AGBL4: variants seen among roughly 807,000 people sequenced by gnomAD.
The protein encoded by AGBL4 is cytosolic carboxypeptidase 6.
A neutral mutation model predicts 66.4 loss-of-function variants in AGBL4; 58 were observed. The ratio of observed to expected loss-of-function variants is 0.87; its 90% confidence interval spans 0.71 to 1.09. The LOEUF (loss-of-function observed/expected upper bound fraction) is 1.09. AGBL4 is among the 50% of genes least tolerant of loss of function. The pLI, the probability that AGBL4 is intolerant of heterozygous loss-of-function variation, is 0.00. For synonymous variants in AGBL4, 234 were observed against 222.9 expected (o/e 1.05, Z -0.44); for missense variants, 579 against 631.0 (o/e 0.92, Z 0.88).
At chr1:49,268,022 T>C (rs909076092) in intron 3 of AGBL4, 1 of 152,116 alleles carries the variant, frequency 6.6e-6, no homozygotes, top group South Asian at 2.1e-4. Context: ...ACCATATCAG[T>C]GTATATTAAA....
At chr1:48,924,647 C>G (rs553822415) in intron 5 of AGBL4, among the ~76,000 whole-genome samples, 7 of 152,086 alleles carry the variant, frequency 4.6e-5, no homozygotes, top group African/African-American at 1.7e-4. Flanking sequence ...AAACAATTAC[C>G]CAACAAATAG....
Position 49,456,642 on chromosome 1 carries a change from T to C in AGBL4, c.283-210778A>G, listed in dbSNP as rs895794772. On this transcript the variant is annotated intron_variant, in intron 3 of 13. Transcript: ENST00000371839. ...GTTTGCTTATATGAATGTTATTGAG[T>C]GTCAATTTCCGAGATTTTGGTGCAC... 3.3e-5 allele frequency among the ~76,000 whole-genome samples: 5 copies of C among 151,596 alleles called. 1 individual carries two copies. The highest frequency in any genetic ancestry group is 7.4e-5 in the Non-Finnish European group (5 of 67,776).
At chr1:49,847,141 A>G (rs1271279360) in intron 2 of AGBL4, among the ~76,000 whole-genome samples, 1 of 152,102 alleles carries the variant, frequency 6.6e-6, no homozygotes, top group African/African-American at 2.4e-5. Context: ...TCTCCAGCCA[A>G]CTACACATAC....
chr1:48,927,111 A>G (rs59549372), intron 5 of AGBL4, among the ~76,000 whole-genome samples: 5,145 of 152,210 alleles, frequency 0.034, 276 homozygotes, highest in African/African-American at 0.12. Context: ...AGGCAGGTCA[A>G]TGGCTTACAG....
chr1:49,198,772 C>A (rs1647444253), intron 4 of AGBL4, among the ~76,000 whole-genome samples: 1 of 151,672 alleles, frequency 6.6e-6, no homozygotes, highest in African/African-American at 2.4e-5. Context: ...GTTACCTGAC[C>A]ATTTCTTCTA....
intron 2 of AGBL4, chr1:49,845,700 C>T: frequency 6.3e-7 from 1 of 1,594,756 alleles, no homozygotes; most frequent in South Asian, 1.1e-5. Context: ...TCAGCCAGAG[C>T]ACATTCCTGA....
intron 3 of AGBL4, among the ~76,000 whole-genome samples, chr1:49,250,874 G>T (rs1042204784): frequency 6.6e-6 from 1 of 152,292 alleles, no homozygotes; most frequent in African/African-American, 2.4e-5. Flanking sequence ...GAGCTGCTTT[G>T]AGAAGTGGTA....
intron 3 of AGBL4, among the ~76,000 whole-genome samples, chr1:49,636,888 G>A (rs989247805): frequency 6.6e-6 from 1 of 152,200 alleles, no homozygotes; most frequent in East Asian, 1.9e-4. Context: ...TCCTGGGTGT[G>A]TCTGTGAAGG....
chr1:49,972,577 C>A (rs1658221482), intron 1 of AGBL4, among the ~76,000 whole-genome samples: 1 of 152,094 alleles, frequency 6.6e-6, no homozygotes, highest in African/African-American at 2.4e-5. Context: ...GGCCTAGGAG[C>A]TCGAGAGCAC....
At chr1:48,629,584 G>A (rs563540116) in intron 9 of AGBL4, among the ~76,000 whole-genome samples, 103 of 152,288 alleles carry the variant, frequency 6.8e-4, no homozygotes, top group African/African-American at 2.4e-3. Flanking sequence ...GGGAAGACAA[G>A]GGATCTGGGA....
At chr1:48,901,227 G>A (rs77641836) in intron 5 of AGBL4, among the ~76,000 whole-genome samples, 112 of 152,260 alleles carry the variant, frequency 7.4e-4, no homozygotes, top group African/African-American at 2.5e-3. Flanking sequence ...CCAAGTGTTG[G>A]TAAGGAATGA....
chr1:48,588,851 A>G lies in AGBL4; in HGVS notation c.1105-1685T>C, dbSNP rs72679381. On this transcript the variant is annotated intron_variant, in intron 10 of 13. Transcript: ENST00000371839. ...AGAAGAGAAGAGAAGAGAAGAGAAGAGAAGAGAAGGGAAGAGAAGAGACAG... is the reference window on the plus strand; with the variant it reads ...AGAAGAGAAGAGAAGAGAAGAGAAGGGAAGAGAAGGGAAGAGAAGAGACAG... 7.6e-3 allele frequency among the ~76,000 whole-genome samples: 1,060 copies of G among 138,864 alleles called. 5 individuals carry two copies. Among genetic ancestry groups the G allele is most frequent in the South Asian group, 0.012 (48 of 3,984 alleles). 91.1% of individuals were successfully genotyped at this position (138,864 alleles called of 152,430 possible).
At chr1:48,893,968 A>T (rs1044496048) in intron 5 of AGBL4, among the ~76,000 whole-genome samples, 35 of 152,220 alleles carry the variant, frequency 2.3e-4, no homozygotes, top group African/African-American at 8.4e-4. Context: ...GAGGAAACCA[A>T]GGAGCAAGAG....
rs367699735 is a variant in AGBL4, at chr1:49,260,896, G to T, written c.283-15032C>A. Among the ~76,000 whole-genome samples, 1,013 of 149,972 alleles carry T rather than the reference G, an allele frequency of 6.8e-3. 25 individuals carry two copies. Among genetic ancestry groups the T allele is most frequent in the Admixed American group, 0.048 (725 of 15,076 alleles). ...ACCAATATCCTTGATGAACATTGATGCAAAAATCCTCAATAAAATACTGGC... is the reference window on the plus strand; with the variant it reads ...ACCAATATCCTTGATGAACATTGATTCAAAAATCCTCAATAAAATACTGGC... On this transcript the variant is annotated intron_variant, in intron 3 of 13. Transcript: ENST00000371839.
intron 5 of AGBL4, among the ~76,000 whole-genome samples, chr1:48,937,156 G>A (rs955302415): frequency 2.6e-5 from 4 of 152,156 alleles, no homozygotes; most frequent in Non-Finnish European, 5.9e-5. Context: ...CATCTAGGCC[G>A]TTTCTATTAA....
At chr1:48,547,180 T>C (rs150614593) in intron 11 of AGBL4, among the ~76,000 whole-genome samples, 271 of 152,172 alleles carry the variant, frequency 1.8e-3, no homozygotes, top group Middle Eastern at 3.4e-3. Flanking sequence ...GGGAAGCTAC[T>C]GAAGAGTTTG....
chr1:49,237,866 T>C (rs187156204), intron 4 of AGBL4, among the ~76,000 whole-genome samples: 1 of 152,246 alleles, frequency 6.6e-6, no homozygotes. Flanking sequence ...AAGAACTTCC[T>C]TTACCATTCT....
chr1:49,156,461 T>G (rs530372350), intron 4 of AGBL4, among the ~76,000 whole-genome samples: 1 of 152,278 alleles, frequency 6.6e-6, no homozygotes, highest in South Asian at 2.1e-4. Flanking sequence ...GGGAGTAAAT[T>G]AGCTAGATTG....
chr1:49,926,832 G>T (rs1652825898), intron 1 of AGBL4, among the ~76,000 whole-genome samples: 1 of 152,112 alleles, frequency 6.6e-6, no homozygotes. Flanking sequence ...AAGACAGGCT[G>T]TAGGGTTCAC....
Sources: allele counts gnomAD v4.1 joint callset (sites outside exome capture counted in the v4.1 genomes callset), GRCh38; gene constraint gnomAD v4.1.1; transcripts MANE v1.5; gene names NCBI Gene and HGNC (gene_info 2026-07-23, HGNC 2026-07-21).